Variants in DOCK2 observed in about 807,000 individuals in gnomAD.
DOCK2 encodes dedicator of cytokinesis protein 2.
Under a neutral mutation model 248.9 loss-of-function variants are expected in DOCK2, and 87 were observed. The ratio of observed to expected loss-of-function variants is 0.35; its 90% confidence interval spans 0.29 to 0.42. DOCK2 has a LOEUF of 0.42. Among genes scored for constraint, DOCK2 ranks in the 10% least tolerant of loss-of-function variants. The pLI is 1.00. For synonymous variants in DOCK2, 805 were observed against 821.6 expected, an observed-to-expected ratio of 0.98 and a Z score of 0.35; for missense variants, 1,747 against 2,300.2, an observed-to-expected ratio of 0.76 and a Z score of 4.92.
chr5:170,044,038 A>AC (rs1756610925), intron 38 of DOCK2, among the ~76,000 whole-genome samples: 1 of 152,202 alleles, frequency 6.6e-6, no homozygotes, highest in African/African-American at 2.4e-5. Context: ...GGTACAGCTT[A>AC]CCCTGAAAGC....
intron 27 of DOCK2, among the ~76,000 whole-genome samples, chr5:169,939,338 G>A (rs897308009): frequency 1.3e-5 from 2 of 152,032 alleles, no homozygotes; most frequent in African/African-American, 4.8e-5. Flanking sequence ...CTCATTGAAG[G>A]TCTTCAGGGA....
intron 26 of DOCK2, among the ~76,000 whole-genome samples, chr5:169,804,098 C>G (rs2113136913): frequency 6.6e-6 from 1 of 152,278 alleles, no homozygotes; most frequent in East Asian, 1.9e-4. Flanking sequence ...CTAGAACATC[C>G]TCAGAGAAGA....
chr5:169,967,305 A>G (rs1248322330), intron 27 of DOCK2, among the ~76,000 whole-genome samples: 2 of 152,208 alleles, frequency 1.3e-5, no homozygotes, highest in Non-Finnish European at 2.9e-5. Context: ...CCTGAAGTTC[A>G]GTAGAGGTGA....
At chr5:170,022,914 C>G (rs780902529) in intron 33 of DOCK2, among the ~76,000 whole-genome samples, 5 of 152,194 alleles carry the variant, frequency 3.3e-5, no homozygotes, top group African/African-American at 1.2e-4. Context: ...GGAACCACAT[C>G]GGCACAGGGA....
chr5:170,042,921 A>C (rs1230953054), intron 38 of DOCK2, among the ~76,000 whole-genome samples: 1 of 152,242 alleles, frequency 6.6e-6, no homozygotes, highest in Non-Finnish European at 1.5e-5. Flanking sequence ...GGAAGTTCCC[A>C]GTGAATATGT....
intron 15 of DOCK2, among the ~76,000 whole-genome samples, chr5:169,710,582 C>T (rs1761522193): frequency 6.6e-6 from 1 of 152,194 alleles, no homozygotes; most frequent in Admixed American, 6.5e-5. Context: ...ATTCAGTGAA[C>T]ACTGCAGCTT....
At chr5:169,860,959 G>A (rs1290429691) in intron 27 of DOCK2, among the ~76,000 whole-genome samples, 3 of 152,130 alleles carry the variant, frequency 2.0e-5, no homozygotes, top group African/African-American at 7.2e-5. Context: ...ATATAAATTT[G>A]CCTTTTAAGG....
intron 26 of DOCK2, among the ~76,000 whole-genome samples, chr5:169,816,160 A>C (rs1768059691): frequency 6.6e-6 from 1 of 152,160 alleles, no homozygotes; most frequent in Non-Finnish European, 1.5e-5. Flanking sequence ...CTCCTGGTAT[A>C]AATGTAAATC....
At chr5:169,715,086 G>A (rs148238602) in intron 19 of DOCK2, among the ~76,000 whole-genome samples, 9 of 152,164 alleles carry the variant, frequency 5.9e-5, no homozygotes, top group East Asian at 5.8e-4. Flanking sequence ...TATTAAAGAC[G>A]GGAAAGGGAA....
At chr5:170,064,718 C>T (rs1464423870) in intron 44 of DOCK2, among the ~76,000 whole-genome samples, 4 of 152,074 alleles carry the variant, frequency 2.6e-5, no homozygotes, top group Non-Finnish European at 5.9e-5. Context: ...CAGAAAACTT[C>T]CCAAATCTAG....
At chr5:169,840,705 G>T (rs1004414177) in intron 26 of DOCK2, 52 bp from the exon 27 acceptor site, 4 of 1,557,256 alleles carry the variant, frequency 2.6e-6, no homozygotes, top group Non-Finnish European at 2.6e-6. Context: ...TTGTACAATT[G>T]TTCAGATGCA....
intron 27 of DOCK2, chr5:169,883,752 A>G: frequency 6.4e-7 from 1 of 1,551,622 alleles, no homozygotes. Flanking sequence ...CAGCTAGGCC[A>G]GTTGGATTCT....
intron 22 of DOCK2, among the ~76,000 whole-genome samples, chr5:169,727,266 C>T (rs769794593): frequency 3.9e-4 from 59 of 152,200 alleles, no homozygotes; most frequent in Middle Eastern, 6.8e-3. Context: ...AATACAACAA[C>T]GCTGCAAAGC....
intron 27 of DOCK2, 83 bp from the exon 28 acceptor site, chr5:169,982,985 G>A: frequency 7.5e-7 from 1 of 1,325,698 alleles, no homozygotes; most frequent in South Asian, 1.2e-5. Context: ...TGATGAATGA[G>A]CCATAAGGAG....
chr5:170,026,600 G>T (rs926177612), intron 33 of DOCK2, among the ~76,000 whole-genome samples: 1 of 152,142 alleles, frequency 6.6e-6, no homozygotes. Context: ...GATTTGGATG[G>T]ACTCTTCAGG....
At chr5:169,951,916 T>G (rs939300097) in intron 27 of DOCK2, among the ~76,000 whole-genome samples, 1 of 152,156 alleles carries the variant, frequency 6.6e-6, no homozygotes, top group African/African-American at 2.4e-5. Flanking sequence ...GCTCACAAAC[T>G]TCACTACCTT....
chr5:170,057,592 G>C lies in DOCK2; in HGVS notation c.4393G>C (p.Glu1465Gln), dbSNP rs1757176924. The C allele has an allele frequency of 3.1e-6, 5 of 1,614,138 alleles. No homozygotes were observed. Among genetic ancestry groups the C allele is most frequent in the Non-Finnish European group, 4.2e-6 (5 of 1,179,992 alleles). ...PENEFASMWI[E>Q]RTSFVTAYKL... Reference sequence around the variant, plus strand: ...TGCCCACGGACAGTCCATGTGGATTGAGAGAACCTCCTTCGTGACTGCATA... The same window carrying C: ...TGCCCACGGACAGTCCATGTGGATTCAGAGAACCTCCTTCGTGACTGCATA... Residue 1465 changes from glutamate (E) to glutamine (Q), a missense_variant, in exon 44 of 52, where the codon GAG becomes CAG. Physicochemically the swap from Glu to Gln is conservative, Grantham distance 29. Coordinates refer to ENST00000520908, the MANE Select transcript of DOCK2 (RefSeq NM_004946.3).
intron 2 of DOCK2, among the ~76,000 whole-genome samples, chr5:169,658,952 G>A (rs1317694918): frequency 6.7e-6 from 1 of 149,472 alleles, no homozygotes; most frequent in Non-Finnish European, 1.5e-5. Context: ...CAACACCTGA[G>A]GATATTTGCT....
intron 32 of DOCK2, among the ~76,000 whole-genome samples, chr5:170,014,142 A>G (rs1755417326): frequency 6.6e-6 from 1 of 152,144 alleles, no homozygotes; most frequent in South Asian, 2.1e-4. Flanking sequence ...CCAAGCAAGC[A>G]TGGCTTCCTG....
Sources: gnomAD v4.1 joint callset for allele counts (sites outside exome capture counted in the v4.1 genomes callset) on GRCh38, gnomAD v4.1.1 for gene constraint, MANE v1.5 for transcripts, NCBI Gene and HGNC (gene_info 2026-07-23, HGNC 2026-07-21) for gene names.